Variants in FYB1 observed in about 807,000 individuals in gnomAD.
FYB1 encodes FYN binding protein 1.
In FYB1, 41 loss-of-function variants were observed where a neutral mutation model predicts 94.1. The ratio of observed to expected loss-of-function variants is 0.44; its 90% CI spans 0.34 to 0.57. FYB1 has a LOEUF of 0.57. Ranked by LOEUF, FYB1 falls within the 20% of genes least tolerant of loss-of-function variation. The pLI is 0.02. For synonymous variants in FYB1, 367 were observed against 353.2 expected, an observed-to-expected ratio of 1.04 and a Z score of -0.44; for missense variants, 1,050 against 976.8, an observed-to-expected ratio of 1.07 and a Z score of -1.00.
In FYB1 at chr5:39,206,786, G is replaced by A. The variant is rs140494711; in HGVS notation, c.-27-3799C>T. ...CAGTTTCCTATGTATGTTGCTAACC[G>A]GTGCATATGCAAACATAAACACACA... On this transcript the variant is annotated intron_variant, in intron 1 of 18. Coordinates refer to ENST00000512982, the MANE Select transcript of FYB1 (RefSeq NM_001465.6). Among the ~76,000 whole-genome samples the A allele has an allele frequency of 3.0e-3, 456 of 152,172 alleles. 7 individuals are homozygous for A. The highest frequency in any genetic ancestry group is 0.011 in the African/African-American group (443 of 41,502).
intron 10 of FYB1, 134 bp downstream of exon 10, chr5:39,130,456 G>A: frequency 1.5e-6 from 1 of 683,944 alleles, no homozygotes; most frequent in Admixed American, 2.5e-5. Flanking sequence ...TGCTCATGAT[G>A]ATGGATAGCC....
At chr5:39,176,643 A>G (rs1307206329) in intron 2 of FYB1, among the ~76,000 whole-genome samples, 9 of 152,226 alleles carry the variant, frequency 5.9e-5, no homozygotes, top group African/African-American at 9.6e-5. Context: ...AAAAGTGCCA[A>G]TCTTTAAAAA....
chr5:39,268,816 C>T (rs1013222836), intron 1 of FYB1, among the ~76,000 whole-genome samples: 68 of 152,030 alleles, frequency 4.5e-4, no homozygotes, highest in Admixed American at 1.3e-3. Context: ...CTGCCTGCCT[C>T]GGCCTCCCAA....
chr5:39,254,360 A>AT (rs1751850692), intron 1 of FYB1, among the ~76,000 whole-genome samples: 1 of 152,084 alleles, frequency 6.6e-6, no homozygotes, highest in South Asian at 2.1e-4. Flanking sequence ...AGCATCTGTT[A>AT]TTTTTTGACT....
At chr5:39,167,851 C>T (rs1192338788) in intron 2 of FYB1, among the ~76,000 whole-genome samples, 4 of 152,216 alleles carry the variant, frequency 2.6e-5, no homozygotes, top group South Asian at 2.1e-4. Flanking sequence ...CGTCACTGGA[C>T]GTTTGTAATC....
intron 2 of FYB1, among the ~76,000 whole-genome samples, chr5:39,172,832 CT>C (rs1745376771): frequency 6.6e-6 from 1 of 152,128 alleles, no homozygotes; most frequent in Non-Finnish European, 1.5e-5. Flanking sequence ...ACCATATTTT[CT>C]TTATCCAATC....
At chr5:39,147,348 C>T (rs1742749947) in intron 3 of FYB1, among the ~76,000 whole-genome samples, 1 of 151,692 alleles carries the variant, frequency 6.6e-6, no homozygotes, top group Non-Finnish European at 1.5e-5. Flanking sequence ...TGGCTCACTG[C>T]AGGCTGGACC....
intron 1 of FYB1, among the ~76,000 whole-genome samples, chr5:39,257,509 T>G (rs541424238): frequency 6.6e-6 from 1 of 152,160 alleles, no homozygotes; most frequent in Admixed American, 6.5e-5. Context: ...CTGAAGATAT[T>G]CACACATAAA....
chr5:39,270,308 G>A (rs781731379), intron 1 of FYB1, among the ~76,000 whole-genome samples: 1 of 152,070 alleles, frequency 6.6e-6, no homozygotes, highest in African/African-American at 2.4e-5. Context: ...GACAAAGAAT[G>A]CATATTTTCT....
intron 3 of FYB1, among the ~76,000 whole-genome samples, chr5:39,152,817 A>T (rs1743361919): frequency 6.6e-6 from 1 of 152,236 alleles, no homozygotes; most frequent in Admixed American, 6.5e-5. Context: ...ATTCTGATGG[A>T]TGAGAGAAAA....
Position 39,123,661 on chromosome 5 carries a change from T to G in FYB1, c.2071+592A>C, listed in dbSNP as rs1359127444. 3.3e-5 allele frequency among the ~76,000 whole-genome samples: 5 copies of G among 152,156 alleles called. No individual in the cohort carries two copies. The East Asian group carries it at 9.6e-4, about 29-fold the overall frequency. On this transcript the variant is annotated intron_variant, in intron 13 of 18. Coordinates refer to ENST00000512982, the MANE Select transcript of FYB1 (RefSeq NM_001465.6). Reference sequence around the variant, plus strand: ...GTGTTGGTTTGCTCTTTTAATATACTTATAAGTTAAAATAAATAAACTTTT... The same window carrying G: ...GTGTTGGTTTGCTCTTTTAATATACGTATAAGTTAAAATAAATAAACTTTT...
At chr5:39,169,418 G>A (rs968937362) in intron 2 of FYB1, 9 of 747,402 alleles carry the variant, frequency 1.2e-5, no homozygotes, top group Non-Finnish European at 2.3e-5. Flanking sequence ...TAGTTTCTGT[G>A]CCATTAAAAA....
intron 1 of FYB1, among the ~76,000 whole-genome samples, chr5:39,243,318 T>A (rs1282402262): frequency 8.6e-5 from 13 of 152,006 alleles, no homozygotes; most frequent in Non-Finnish European, 1.5e-4. Context: ...AATTTTTGTA[T>A]AAGGTGTAAG....
At chr5:39,114,291 A>G (rs1420010742) in intron 16 of FYB1, among the ~76,000 whole-genome samples, 1 of 152,208 alleles carries the variant, frequency 6.6e-6, no homozygotes, top group Non-Finnish European at 1.5e-5. Context: ...GAAACTCTAA[A>G]CATTTGGAAA....
intron 1 of FYB1, among the ~76,000 whole-genome samples, chr5:39,217,745 G>T (rs1749980580): frequency 6.6e-6 from 1 of 152,156 alleles, no homozygotes; most frequent in South Asian, 2.1e-4. Context: ...AAACCCGCCA[G>T]CGAGCCACGG....
chr5:39,218,769 G>T (rs1750073798), intron 1 of FYB1, among the ~76,000 whole-genome samples: 1 of 152,162 alleles, frequency 6.6e-6, no homozygotes, highest in Non-Finnish European at 1.5e-5. Flanking sequence ...GGGGGGAAAA[G>T]ACCTTGTGAA....
At chr5:39,225,737 A>T (rs1561289830) in intron 1 of FYB1, among the ~76,000 whole-genome samples, 1 of 152,214 alleles carries the variant, frequency 6.6e-6, no homozygotes, top group South Asian at 2.1e-4. Context: ...TTCATGCCCA[A>T]TGAACTGTCT....
At chr5:39,179,260 C>T (rs1332330473) in intron 2 of FYB1, among the ~76,000 whole-genome samples, 1 of 152,154 alleles carries the variant, frequency 6.6e-6, no homozygotes, top group Non-Finnish European at 1.5e-5. Flanking sequence ...CGGATTCAAA[C>T]CCAGACAGCC....
At chr5:39,177,686 A>G (rs566631989) in intron 2 of FYB1, among the ~76,000 whole-genome samples, 2 of 152,340 alleles carry the variant, frequency 1.3e-5, no homozygotes, top group Admixed American at 6.5e-5. Flanking sequence ...TCAACATTTT[A>G]TATATGAAAT....
Sources: allele counts gnomAD v4.1 joint callset (sites outside exome capture counted in the v4.1 genomes callset), GRCh38; gene constraint gnomAD v4.1.1; transcripts MANE v1.5; gene names NCBI Gene and HGNC (gene_info 2026-07-23, HGNC 2026-07-21).